The following AGBL4 variants were observed in gnomAD, a reference collection of about 807,000 sequenced individuals.
AGBL4 encodes the protein AGBL carboxypeptidase 4.
AGBL4 carries 58 observed loss-of-function variants against 66.4 expected under a neutral mutation model. The observed-to-expected ratio is 0.87, with a 90% CI of 0.71 to 1.09. The LOEUF (loss-of-function observed/expected upper bound fraction) is 1.09, where lower values mean the gene tolerates loss of function less well. Ranked by LOEUF, AGBL4 falls within the 50% of genes least tolerant of loss-of-function variation. The probability of loss-of-function intolerance (pLI) is 0.00; values close to 1 mark genes in which losing one functional copy is unlikely to be tolerated. For synonymous variants in AGBL4, 234 were observed against 222.9 expected, an observed-to-expected ratio of 1.05 and a Z score of -0.44; for missense variants, 579 against 631.0, an observed-to-expected ratio of 0.92 and a Z score of 0.88.
intron 3 of AGBL4, among the ~76,000 whole-genome samples, chr1:49,379,060 C>A (rs1365234362): frequency 6.6e-6 from 1 of 152,016 alleles, no homozygotes; most frequent in Non-Finnish European, 1.5e-5. Flanking sequence ...CCTATGAAGA[C>A]TAGACAAATG....
intron 2 of AGBL4, among the ~76,000 whole-genome samples, chr1:49,850,035 A>C (rs1177963355): frequency 1.3e-5 from 2 of 152,222 alleles, no homozygotes; most frequent in Non-Finnish European, 2.9e-5. Context: ...AATTATGCGG[A>C]CAGTATTCAG....
chr1:49,523,178 TATC>T (rs1650400851), intron 3 of AGBL4, among the ~76,000 whole-genome samples: 1 of 152,052 alleles, frequency 6.6e-6, no homozygotes, highest in Admixed American at 6.6e-5. Context: ...CAATGACAAA[TATC>T]ATCCATAAGT....
At chr1:49,512,545 C>T (rs1649366778) in intron 3 of AGBL4, among the ~76,000 whole-genome samples, 1 of 151,518 alleles carries the variant, frequency 6.6e-6, no homozygotes, top group African/African-American at 2.4e-5. Context: ...CATTTCCTGC[C>T]ACCCCCCCTC....
At chr1:49,486,503 C>T (rs895654204) in intron 3 of AGBL4, among the ~76,000 whole-genome samples, 1 of 151,900 alleles carries the variant, frequency 6.6e-6, no homozygotes, top group Non-Finnish European at 1.5e-5. Flanking sequence ...TGGCATGTTC[C>T]GTATAAGACC....
chr1:49,121,163 G>C (rs1216098324), intron 4 of AGBL4, among the ~76,000 whole-genome samples: 1 of 152,124 alleles, frequency 6.6e-6, no homozygotes. Flanking sequence ...TGCTCCTTTA[G>C]CTTGGAGAAG....
At chr1:48,805,612 GA>G in intron 6 of AGBL4, among the ~76,000 whole-genome samples, 1 of 152,170 alleles carries the variant, frequency 6.6e-6, no homozygotes, top group Non-Finnish European at 1.5e-5. Flanking sequence ...TAGTGCAAAA[GA>G]ATAATGGCCC....
At position 50,007,514 on chromosome 1, in the gene AGBL4, G is replaced by A. The variant is rs144781089; in HGVS notation, c.34+16249C>T. 1.1e-4 allele frequency among the ~76,000 whole-genome samples: 17 copies of A among 152,276 alleles called. 1 individual carries two copies. In the East Asian group the frequency reaches 3.3e-3, roughly 29 times the overall value. On this transcript the variant is annotated intron_variant, in intron 1 of 13. Coordinates refer to ENST00000371839, the MANE Select transcript of AGBL4 (RefSeq NM_032785.4). ...ACGGTGGCTCACATCCATAATCCTA[G>A]CACTTTGGGAGGTCGAGGAGGGAGG... is the stretch of plus-strand genomic sequence containing the variant.
At chr1:49,738,289 C>A (rs1650077891) in intron 2 of AGBL4, among the ~76,000 whole-genome samples, 1 of 152,198 alleles carries the variant, frequency 6.6e-6, no homozygotes, top group Non-Finnish European at 1.5e-5. Flanking sequence ...GTCCTACGCC[C>A]ACGGAGCCCC....
chr1:49,637,881 A>T (rs930971126), intron 3 of AGBL4, among the ~76,000 whole-genome samples: 1 of 152,188 alleles, frequency 6.6e-6, no homozygotes, highest in African/African-American at 2.4e-5. Flanking sequence ...ATACATAATG[A>T]TATAAATGGG....
At chr1:49,273,468 TA>T (rs1644103860) in intron 3 of AGBL4, among the ~76,000 whole-genome samples, 1 of 150,410 alleles carries the variant, frequency 6.6e-6, no homozygotes, top group Non-Finnish European at 1.5e-5. Context: ...AAACTAAATA[TA>T]AAAAATTTAA....
chr1:49,305,856 A>G (rs1006142393), intron 3 of AGBL4, among the ~76,000 whole-genome samples: 6 of 152,068 alleles, frequency 3.9e-5, no homozygotes, highest in Admixed American at 3.9e-4. Flanking sequence ...ACGCCCGGCT[A>G]ATTTTGTATT....
intron 5 of AGBL4, among the ~76,000 whole-genome samples, chr1:48,921,557 G>A (rs1237953495): frequency 6.6e-6 from 1 of 152,146 alleles, no homozygotes; most frequent in Non-Finnish European, 1.5e-5. Context: ...TAAGCACTAT[G>A]TCTTGTACAT....
At chr1:48,575,610 A>G (rs1644640955) in intron 11 of AGBL4, among the ~76,000 whole-genome samples, 1 of 152,164 alleles carries the variant, frequency 6.6e-6, no homozygotes, top group Non-Finnish European at 1.5e-5. Context: ...ACAGGAGGAA[A>G]GCAGCTCTCT....
At chr1:48,901,528 T>A (rs550077671) in intron 5 of AGBL4, among the ~76,000 whole-genome samples, 2 of 152,302 alleles carry the variant, frequency 1.3e-5, no homozygotes, top group East Asian at 3.9e-4. Context: ...AATAAAATAC[T>A]ACTCGACAAT....
chr1:49,896,324 T>C (rs1649196630), intron 1 of AGBL4, among the ~76,000 whole-genome samples: 1 of 152,070 alleles, frequency 6.6e-6, no homozygotes, highest in Non-Finnish European at 1.5e-5. Context: ...AGAGAGATCA[T>C]GCAGACAGAA....
At chr1:49,785,893 A>AATATATAT (rs34005960) in intron 2 of AGBL4, among the ~76,000 whole-genome samples, 61 of 140,912 alleles carry the variant, frequency 4.3e-4, no homozygotes, top group Non-Finnish European at 7.7e-4. Flanking sequence ...GGAAAAAAAA[A>AATATATAT]ATATATATAT....
chr1:49,568,535 C>T (rs999071200), intron 3 of AGBL4, among the ~76,000 whole-genome samples: 1 of 101,142 alleles, frequency 9.9e-6, no homozygotes, highest in African/African-American at 3.1e-5. Flanking sequence ...ATGCCATGCT[C>T]ATGGAAAGGA....
At chr1:49,379,622 A>G (rs1006800338) in intron 3 of AGBL4, among the ~76,000 whole-genome samples, 30 of 152,266 alleles carry the variant, frequency 2.0e-4, no homozygotes, top group African/African-American at 7.2e-4. Context: ...CCTTTTCTGC[A>G]TCTATTGAGA....
At chr1:49,162,211 T>A (rs1024009506) in intron 4 of AGBL4, among the ~76,000 whole-genome samples, 1 of 152,082 alleles carries the variant, frequency 6.6e-6, no homozygotes, top group African/African-American at 2.4e-5. Flanking sequence ...TAATAGCAAT[T>A]ATGATGATGA....
Sources: allele counts gnomAD v4.1 joint callset (sites outside exome capture counted in the v4.1 genomes callset), GRCh38; gene constraint gnomAD v4.1.1; transcripts MANE v1.5; gene names NCBI Gene and HGNC (gene_info 2026-07-23, HGNC 2026-07-21).